KNOP1: variants seen among roughly 807,000 people sequenced by gnomAD.
The protein encoded by KNOP1 is lysine rich nucleolar protein 1.
In KNOP1, 20 loss-of-function variants were observed where a neutral mutation model predicts 30.6. The ratio of observed to expected loss-of-function variants is 0.65; its 90% CI spans 0.46 to 0.95. KNOP1 has a LOEUF of 0.95. KNOP1 is among the 40% of genes least tolerant of loss of function. The pLI, the probability that KNOP1 is intolerant of heterozygous loss-of-function variation, is 0.00. For missense variants in KNOP1, 540 were observed against 562.0 expected (o/e 0.96, Z 0.40); for synonymous variants, 204 against 210.0 (o/e 0.97, Z 0.25).
Position 19,703,001 on chromosome 16 carries a change from AAAAAAAAAAGAAAG to A in KNOP1, c.*3895_*3908del, listed in dbSNP as rs1291582334. 1 of 148,250 alleles carries A rather than the reference AAAAAAAAAAGAAAG, an allele frequency of 6.7e-6. No homozygotes were observed. The highest frequency in any genetic ancestry group is 1.9e-4 in the East Asian group (1 of 5,164). The allele number at this position is 148,250 out of a possible 1,614,324, so 9.2% of individuals were successfully genotyped here. A position where few individuals can be genotyped will look rare whatever the true frequency, so the allele number is the denominator to read the frequency against. ...GGAGTGAGAGTGAGACTGTCTCAAAAAAAAAAAAAGAAAGAAAAACAAAACCATGGCAACTTCCA... is the reference window on the plus strand; with the variant it reads ...GGAGTGAGAGTGAGACTGTCTCAAAAAAAAACAAAACCATGGCAACTTCCA... On this transcript the variant is annotated 3_prime_UTR_variant, in exon 5 of 5. Transcript: ENST00000219837.
intron 2 of KNOP1, 101 bp downstream of exon 2, chr16:19,714,017 G>C: frequency 9.9e-7 from 1 of 1,010,990 alleles, no homozygotes; most frequent in Non-Finnish European, 1.5e-6. Context: ...AAAAGCATGA[G>C]TACTCGTGCA....
At chr16:19,707,817 T>C (rs12922373) in intron 4 of KNOP1, among the ~76,000 whole-genome samples, 63,639 of 71,420 alleles carry the variant, frequency 0.89, 28,332 homozygotes, top group East Asian at 0.99. Flanking sequence ...CCCCCTACCA[T>C]CCTACAAAGC....
chr16:19,709,207 C>T lies in KNOP1; in HGVS notation c.1065+1302G>A. The stretch of plus-strand genomic sequence containing the variant: ...CATTTTACAGGCTCAGGGGAAGGTA[C>T]CTGGCCAGAGTCCCACCACTAGACA... On this transcript the variant is annotated intron_variant, in intron 4 of 4. Transcript: ENST00000219837. 1.3e-5 allele frequency among the ~76,000 whole-genome samples: 2 copies of T among 152,276 alleles called. 1 individual carries two copies. Among genetic ancestry groups the T allele is most frequent in the South Asian group, 4.2e-4 (2 of 4,816 alleles).
In KNOP1 at chr16:19,706,142, A is replaced by C. The variant is rs1976342452; in HGVS notation, c.*768T>G. The C allele has an allele frequency of 6.6e-6, 1 of 151,950 alleles. No individual in the cohort carries two copies. The highest frequency in any genetic ancestry group is 2.4e-5 in the African/African-American group (1 of 41,446). The allele number at this position is 151,950 out of a possible 1,614,324, so 9.4% of individuals were successfully genotyped here. ...CTACAGCTGCTCTATGACAGGGGAA[A>C]GGAAAAGGAAGGAAAAGGAGTTTGC... On this transcript the variant is annotated 3_prime_UTR_variant, in exon 5 of 5. Coordinates refer to ENST00000219837, the MANE Select transcript of KNOP1 (RefSeq NM_001012991.3).
chr16:19,707,287 C>T, intron 4 of KNOP1, 66 bp from the exon 5 acceptor site: 2 of 1,388,446 alleles, frequency 1.4e-6, no homozygotes, highest in Non-Finnish European at 2.0e-6. Flanking sequence ...CCTTGACCCC[C>T]ACCCTCATCA....
intron 1 of KNOP1, chr16:19,716,636 C>T (rs1977108071): frequency 6.6e-6 from 1 of 152,220 alleles, no homozygotes; most frequent in Non-Finnish European, 1.5e-5. Flanking sequence ...TTGAACAGAA[C>T]AAGCCTGAGA....
At chr16:19,715,636 G>C (rs560911726) in intron 1 of KNOP1, among the ~76,000 whole-genome samples, 2 of 151,822 alleles carry the variant, frequency 1.3e-5, no homozygotes, top group East Asian at 3.9e-4. Context: ...GGCCAGGCTA[G>C]TCTCAAACTC....
chr16:19,717,626 G>A (rs1273518831), intron 1 of KNOP1: 2 of 985,520 alleles, frequency 2.0e-6, no homozygotes, highest in African/African-American at 1.7e-5. Flanking sequence ...CAAGGAGAAA[G>A]GAAAAGAACG....
chr16:19,711,216 G>A (rs554876932), intron 3 of KNOP1, among the ~76,000 whole-genome samples, 156 bp downstream of exon 3: 29 of 152,366 alleles, frequency 1.9e-4, no homozygotes, highest in South Asian at 1.9e-3. Context: ...ACGCATTCCC[G>A]GCCCGGGAGG....
chr16:19,711,422 C>CT lies in KNOP1; in HGVS notation c.936dup (p.Glu313ArgfsTer12). 5 of 1,614,202 alleles carry CT rather than the reference C, an allele frequency of 3.1e-6. No individual in the cohort carries two copies. The highest frequency in any genetic ancestry group is 2.2e-5 in the East Asian group (1 of 44,876). On this transcript the variant is annotated frameshift_variant, in exon 3 of 5. Transcript: ENST00000219837. LOFTEE classifies it high-confidence loss of function. ...TTGCCTTTTTTTTCCAACACCACCTCTAAGTCCGTGTCTGTTTCCTGCAGG... is the reference window on the plus strand; with the variant it reads ...TTGCCTTTTTTTTCCAACACCACCTCTTAAGTCCGTGTCTGTTTCCTGCAGG...
chr16:19,707,239 A>C lies in KNOP1; in HGVS notation c.1066-18T>G, dbSNP rs1352065967. The C allele has an allele frequency of 1.9e-6, 3 of 1,601,852 alleles. No individual in the cohort carries two copies. Among genetic ancestry groups the C allele is most frequent in the Non-Finnish European group, 2.5e-6 (3 of 1,176,622 alleles). On this transcript the variant is annotated intron_variant, in intron 4 of 4. Coordinates refer to ENST00000219837, the MANE Select transcript of KNOP1 (RefSeq NM_001012991.3). ...TGGGTTCCCTGTGAGGAGAGGAAAA[A>C]GGTGGCTATTTTCCTTGAGTTCAAA...
At chr16:19,711,269 G>A in intron 3 of KNOP1, 103 bp downstream of exon 3, 1 of 1,152,668 alleles carries the variant, frequency 8.7e-7, no homozygotes, top group South Asian at 1.2e-5. Flanking sequence ...AGTCCCTGGT[G>A]CCCCTGAGAC....
chr16:19,710,765 G>A (rs775333807), intron 3 of KNOP1, among the ~76,000 whole-genome samples, 179 bp from the exon 4 acceptor site: 2 of 152,232 alleles, frequency 1.3e-5, no homozygotes, highest in African/African-American at 2.4e-5. Flanking sequence ...CAAGGGCTGC[G>A]CCCCTTGGCC....
Position 19,708,204 on chromosome 16 carries a change from A to G in KNOP1, c.1066-983T>C, listed in dbSNP as rs73541429. Among the ~76,000 whole-genome samples, 403 of 151,372 alleles carry G rather than the reference A, an allele frequency of 2.7e-3. 4 individuals are homozygous for G. Among genetic ancestry groups the G allele is most frequent in the African/African-American group, 9.6e-3 (396 of 41,252 alleles). The stretch of plus-strand genomic sequence containing the variant: ...ATGGCGGGAACGGGTGCGGGCCCAC[A>G]GGGGTAAAAGGTCACACAGCCAAGT... On this transcript the variant is annotated intron_variant, in intron 4 of 4. Coordinates refer to ENST00000219837, the MANE Select transcript of KNOP1 (RefSeq NM_001012991.3).
chr16:19,710,999 G>C (rs574346532), intron 3 of KNOP1, among the ~76,000 whole-genome samples: 1 of 151,550 alleles, frequency 6.6e-6, no homozygotes, highest in Non-Finnish European at 1.5e-5. Context: ...GGGAACGACA[G>C]AAGCGGAAGC....
rs1310680562 is a variant in KNOP1 at position 19,704,502 on chromosome 16, A to G, written c.*2408T>C. ...GCTACTCAGGAGACTGAGGCACAAG[A>G]ATCGCTTGAACCCAGGAAGCAGAGG... On this transcript the variant is annotated 3_prime_UTR_variant, in exon 5 of 5. Coordinates refer to ENST00000219837, the MANE Select transcript of KNOP1 (RefSeq NM_001012991.3). 1 of 152,168 alleles carries G rather than the reference A, an allele frequency of 6.6e-6. No homozygotes were observed. Among genetic ancestry groups the G allele is most frequent in the African/African-American group, 2.4e-5 (1 of 41,426 alleles). 9.4% of individuals were successfully genotyped at this position (152,168 alleles called of 1,614,324 possible). A position where few individuals can be genotyped will look rare whatever the true frequency, so the allele number is the denominator to read the frequency against.
In KNOP1 at chr16:19,710,596, A is replaced by G. The variant is rs754633148; in HGVS notation, c.988-10T>C. The G allele has an allele frequency of 6.2e-7, 1 of 1,610,846 alleles. No individual in the cohort carries two copies. The highest frequency in any genetic ancestry group is 1.1e-5 in the South Asian group (1 of 90,968). On this transcript the variant is annotated splice_polypyrimidine_tract_variant and intron_variant, in intron 3 of 4. Transcript: ENST00000219837. The stretch of plus-strand genomic sequence containing the variant: ...AGGCCTTTCGCCTCACCTGAGCAAG[A>G]AGGATGACAGAAGAGGGCCGTCAGA...
intron 3 of KNOP1, among the ~76,000 whole-genome samples, chr16:19,711,020 C>T (rs762118940): frequency 5.9e-5 from 9 of 151,906 alleles, no homozygotes; most frequent in Non-Finnish European, 1.2e-4. Flanking sequence ...TGATTCACAA[C>T]AAAACTTCTC....
intron 4 of KNOP1, among the ~76,000 whole-genome samples, chr16:19,708,762 G>A (rs1336661537): frequency 1.3e-5 from 2 of 152,168 alleles, no homozygotes; most frequent in Admixed American, 1.3e-4. Flanking sequence ...GCTTCATGGT[G>A]GCCCAGATGC....
Sources: gnomAD v4.1 joint callset for allele counts (sites outside exome capture counted in the v4.1 genomes callset) on GRCh38, gnomAD v4.1.1 for gene constraint, MANE v1.5 for transcripts, NCBI Gene and HGNC (gene_info 2026-07-23, HGNC 2026-07-21) for gene names.